Variants in AOPEP observed in about 807,000 individuals in gnomAD.
AOPEP encodes aminopeptidase O.
In AOPEP, 77 loss-of-function variants were observed where a neutral mutation model predicts 98.1. The ratio of observed to expected loss-of-function variants is 0.78; its 90% CI spans 0.65 to 0.95. The LOEUF is 0.95. Ranked by LOEUF, AOPEP falls within the 40% of genes least tolerant of loss-of-function variation. The pLI is 0.00. For missense variants in AOPEP, 1,024 were observed against 1,024.7 expected (o/e 1.00, Z 0.01); for synonymous variants, 346 against 365.3 (o/e 0.95, Z 0.60).
At chr9:94,757,123 A>G (rs150135064) in intron 1 of AOPEP, among the ~76,000 whole-genome samples, 1 of 152,224 alleles carries the variant, frequency 6.6e-6, no homozygotes, top group African/African-American at 2.4e-5. Flanking sequence ...AAGCTTAATA[A>G]GCTTTGGTGA....
At chr9:94,832,519 T>A (rs553661872) in intron 5 of AOPEP, among the ~76,000 whole-genome samples, 1 of 152,204 alleles carries the variant, frequency 6.6e-6, no homozygotes, top group South Asian at 2.1e-4. Context: ...ACTCCAAATC[T>A]TATGAATTTA....
At position 94,980,598 on chromosome 9, in the gene AOPEP, G is replaced by A. The variant is rs2060123872; in HGVS notation, c.1977+1171G>A. Among the ~76,000 whole-genome samples, 1 of 152,202 alleles carries A rather than the reference G, an allele frequency of 6.6e-6. No individual in the cohort carries two copies. Among genetic ancestry groups the A allele is most frequent in the South Asian group, 2.1e-4 (1 of 4,836 alleles). ...AACCATAAGCTCATTCCTAAAAAAGGACAGTTTGCCTTCAGTTCAGGAATG... is the reference window on the plus strand; with the variant it reads ...AACCATAAGCTCATTCCTAAAAAAGAACAGTTTGCCTTCAGTTCAGGAATG... On this transcript the variant is annotated intron_variant, in intron 11 of 16. Transcript: ENST00000375315. This position sits in a 1 kb window ranked among gnomAD's most constrained non-coding sequence, Gnocchi z 4.3.
intron 5 of AOPEP, among the ~76,000 whole-genome samples, chr9:94,835,498 A>AT (rs1160819204): frequency 6.6e-6 from 1 of 151,954 alleles, no homozygotes; most frequent in Non-Finnish European, 1.5e-5. Flanking sequence ...AATAACCTCT[A>AT]TTTTTTTCTC....
intron 13 of AOPEP, among the ~76,000 whole-genome samples, chr9:95,030,724 T>G (rs760625114): frequency 7.2e-5 from 11 of 152,224 alleles, no homozygotes; most frequent in Non-Finnish European, 1.6e-4. Context: ...CATTTCAGAA[T>G]CTCAGGGGAC....
intron 6 of AOPEP, among the ~76,000 whole-genome samples, chr9:94,924,673 A>G (rs745476098): frequency 2.6e-5 from 4 of 152,196 alleles, no homozygotes; most frequent in Non-Finnish European, 5.9e-5. Flanking sequence ...AGAATGAAGC[A>G]GGGGCGGTAT....
At chr9:95,019,410 A>G (rs2063282106) in intron 13 of AOPEP, 2 of 152,326 alleles carry the variant, frequency 1.3e-5, no homozygotes, top group South Asian at 4.1e-4. Flanking sequence ...CATTTTTTAT[A>G]CGCAGTAAGT....
chr9:94,975,956 G>T (rs1005638026), intron 10 of AOPEP, among the ~76,000 whole-genome samples: 1 of 152,180 alleles, frequency 6.6e-6, no homozygotes, highest in African/African-American at 2.4e-5. Flanking sequence ...TCTTTGCCCC[G>T]ATGTGCTTTT....
At chr9:95,133,028 C>G in the AOPEP span, among the ~76,000 whole-genome samples, 3 of 152,200 alleles carry the variant, frequency 2.0e-5, no homozygotes, top group African/African-American at 7.2e-5. Flanking sequence ...TGGAGCACAG[C>G]GCAGCAGTCT....
chr9:95,145,619 T>G, the AOPEP span: 1 of 152,096 alleles, frequency 6.6e-6, no homozygotes, highest in African/African-American at 2.4e-5. Flanking sequence ...TCAAAGGGAA[T>G]GATCCTTATT....
At chr9:95,036,693 C>CTTA in intron 13 of AOPEP, among the ~76,000 whole-genome samples, 1 of 53,248 alleles carries the variant, frequency 1.9e-5, no homozygotes, top group Non-Finnish European at 6.5e-5. Flanking sequence ...GTTCTTCTTT[C>CTTA]TTCTTCTTCT....
intron 9 of AOPEP, among the ~76,000 whole-genome samples, chr9:94,963,143 A>G (rs1314266061): frequency 3.3e-5 from 5 of 151,912 alleles, no homozygotes; most frequent in African/African-American, 1.2e-4. Flanking sequence ...TATCTTGCCA[A>G]TCCTGTCCTT....
chr9:94,979,197 G>T (rs1281335737), intron 10 of AOPEP, among the ~76,000 whole-genome samples, 170 bp from the exon 11 acceptor site: 1 of 152,138 alleles, frequency 6.6e-6, no homozygotes, highest in East Asian at 1.9e-4. Context: ...GGTCTCATGT[G>T]ACTGGGCTCC....
chr9:94,791,605 G>C (rs531457024), intron 3 of AOPEP, among the ~76,000 whole-genome samples: 1 of 152,182 alleles, frequency 6.6e-6, no homozygotes, highest in South Asian at 2.1e-4. Flanking sequence ...TGGATATTGG[G>C]TATACAAGAG....
intron 13 of AOPEP, among the ~76,000 whole-genome samples, chr9:95,051,107 T>G (rs2066313673): frequency 6.7e-6 from 1 of 149,090 alleles, no homozygotes; most frequent in Non-Finnish European, 1.5e-5. Flanking sequence ...TTTTTTTTTT[T>G]GAGACGGAGT....
At chr9:94,870,737 G>T (rs191649233) in intron 5 of AOPEP, among the ~76,000 whole-genome samples, 257 of 152,324 alleles carry the variant, frequency 1.7e-3, no homozygotes, top group African/African-American at 5.9e-3. Flanking sequence ...GTTGGATCTG[G>T]GTCGGCCAAG....
intron 13 of AOPEP, among the ~76,000 whole-genome samples, chr9:95,055,185 G>A (rs1420843549): frequency 1.3e-5 from 2 of 152,256 alleles, no homozygotes; most frequent in Non-Finnish European, 1.5e-5. Flanking sequence ...CCTGATATGT[G>A]TATGTATTAT....
At chr9:94,917,781 T>A (rs187197115) in intron 5 of AOPEP, among the ~76,000 whole-genome samples, 11 of 152,286 alleles carry the variant, frequency 7.2e-5, no homozygotes, top group South Asian at 6.2e-4. Flanking sequence ...ATTTTCTCTG[T>A]CTCCCTCCTT....
intron 7 of AOPEP, among the ~76,000 whole-genome samples, chr9:94,934,202 C>T (rs1156309953): frequency 6.6e-6 from 1 of 152,036 alleles, no homozygotes; most frequent in East Asian, 1.9e-4. Flanking sequence ...TACCTGAGGC[C>T]CTCCTCCACC....
intron 13 of AOPEP, among the ~76,000 whole-genome samples, chr9:95,053,762 C>A (rs985988166): frequency 4.6e-5 from 7 of 152,006 alleles, no homozygotes; most frequent in Non-Finnish European, 1.0e-4. Context: ...CTCTGTTGCC[C>A]AGGCTGAAGT....
Sources: gnomAD v4.1 joint callset for allele counts (sites outside exome capture counted in the v4.1 genomes callset) on GRCh38, gnomAD v4.1.1 for gene constraint, Gnocchi (gnomAD v3.1) non-coding constraint, MANE v1.5 for transcripts, NCBI Gene and HGNC (gene_info 2026-07-23, HGNC 2026-07-21) for gene names.